Variants in POU2AF3 observed in about 807,000 individuals in gnomAD.
POU2AF3 encodes the protein POU class 2 homeobox associating factor 3, also known as cancer susceptibility candidate 13.
chr11:111,298,826 G>GGGGGGGGGGGCCCC, the POU2AF3 span: 9 of 790,960 alleles, frequency 1.1e-5, no homozygotes, highest in African/African-American at 1.8e-5. Flanking sequence ...CGTACCCCAG[G>GGGGGGGGGGGCCCC]CCCCCGCCCG....
the POU2AF3 span, chr11:111,300,621 C>T: frequency 1.6e-6 from 2 of 1,228,884 alleles, no homozygotes; most frequent in South Asian, 4.1e-5. Flanking sequence ...CCGGGGGAAC[C>T]GTAAGCATAA....
At chr11:111,298,674 G>C in the POU2AF3 span, 41 of 1,196,304 alleles carry the variant, frequency 3.4e-5, no homozygotes, top group Non-Finnish European at 4.3e-5. Flanking sequence ...TTCCTGCATA[G>C]AACAGAGAGG....
chr11:111,304,507 A>G, the POU2AF3 span, among the ~76,000 whole-genome samples: 3 of 152,198 alleles, frequency 2.0e-5, no homozygotes, highest in Non-Finnish European at 4.4e-5. Context: ...AAGCAAACAT[A>G]AATATTGGAT....
At chr11:111,298,826 G>GCGGGGGGCCCC in the POU2AF3 span, 16 of 790,958 alleles carry the variant, frequency 2.0e-5, no homozygotes, top group Non-Finnish European at 2.7e-5. Flanking sequence ...CGTACCCCAG[G>GCGGGGGGCCCC]CCCCCGCCCG....
chr11:111,299,889 A>T, the POU2AF3 span: 1 of 481,796 alleles, frequency 2.1e-6, no homozygotes, highest in Non-Finnish European at 3.3e-6. Context: ...CCCCTTTACT[A>T]GGTCAGTCTG....
chr11:111,303,593 C>G, the POU2AF3 span, among the ~76,000 whole-genome samples: 1 of 152,206 alleles, frequency 6.6e-6, no homozygotes, highest in Non-Finnish European at 1.5e-5. Context: ...TACAATGAGG[C>G]AGATTTTTTA....
At chr11:111,300,103 GC>G in the POU2AF3 span, 20 of 383,692 alleles carry the variant, frequency 5.2e-5, no homozygotes, top group East Asian at 7.0e-4. Flanking sequence ...ATCAGAGAAA[GC>G]CCCCTGCCCC....
the POU2AF3 span, among the ~76,000 whole-genome samples, chr11:111,303,529 G>C: frequency 1.3e-5 from 2 of 152,166 alleles, no homozygotes. Context: ...ATAACATGGG[G>C]TGGAGGCAGA....
At chr11:111,299,348 T>C in the POU2AF3 span, 7 of 990,074 alleles carry the variant, frequency 7.1e-6, no homozygotes, top group Non-Finnish European at 8.4e-6. Context: ...TGCAGGGTAG[T>C]GGTCAGGGCC....
the POU2AF3 span, chr11:111,299,400 C>A: frequency 1.0e-6 from 1 of 1,004,218 alleles, no homozygotes; most frequent in Non-Finnish European, 1.2e-6. Flanking sequence ...ACCTTGAAAG[C>A]TCGCCCGGCT....
chr11:111,299,678 G>C, the POU2AF3 span: 1 of 1,231,178 alleles, frequency 8.1e-7, no homozygotes, highest in Non-Finnish European at 1.0e-6. Context: ...ACTCGCCCCG[G>C]AGCCTCAGTG....
chr11:111,298,843 C>CCCCAAAAAAA, the POU2AF3 span: 2 of 1,187,156 alleles, frequency 1.7e-6, no homozygotes, highest in Non-Finnish European at 2.1e-6. Context: ...CCCGCCCTCC[C>CCCCAAAAAAA]ACGTATCCAC....
the POU2AF3 span, chr11:111,299,491 C>T: frequency 5.3e-6 from 6 of 1,123,050 alleles, no homozygotes; most frequent in African/African-American, 6.5e-5. Context: ...CTGCTCCCAG[C>T]GCTCAGGGGT....
At chr11:111,302,910 G>T in the POU2AF3 span, among the ~76,000 whole-genome samples, 1 of 152,208 alleles carries the variant, frequency 6.6e-6, no homozygotes, top group Non-Finnish European at 1.5e-5. Context: ...GCTTCTTAGT[G>T]TAGACCTTTC....
the POU2AF3 span, chr11:111,299,122 G>A: frequency 1.0e-6 from 1 of 963,640 alleles, no homozygotes; most frequent in Non-Finnish European, 1.2e-6. Context: ...GGATTCCCTG[G>A]GTCCGGGCTA....
the POU2AF3 span, chr11:111,308,224 C>T: frequency 6.4e-7 from 1 of 1,551,816 alleles, no homozygotes; most frequent in Non-Finnish European, 8.7e-7. Flanking sequence ...ACCATTCCTA[C>T]CAACACTTGT....
chr11:111,298,826 G>GCCCC, the POU2AF3 span: 1 of 790,962 alleles, frequency 1.3e-6, no homozygotes, highest in Non-Finnish European at 1.7e-6. Flanking sequence ...CGTACCCCAG[G>GCCCC]CCCCCGCCCG....
At chr11:111,308,627 T>G in the POU2AF3 span, 1 of 452,478 alleles carries the variant, frequency 2.2e-6, no homozygotes, top group South Asian at 7.6e-5. Context: ...ACTCCTACTT[T>G]GTATGCTCAT....
the POU2AF3 span, chr11:111,300,593 G>A: frequency 6.5e-6 from 8 of 1,231,854 alleles, no homozygotes; most frequent in South Asian, 4.1e-5. Context: ...CAGCAAAGAC[G>A]GGCACACCAG....
Sources: allele counts gnomAD v4.1 joint callset (sites outside exome capture counted in the v4.1 genomes callset), GRCh38; gene constraint gnomAD v4.1.1; transcripts MANE v1.5; gene names NCBI Gene and HGNC (gene_info 2026-07-23, HGNC 2026-07-21).